The following TOX variants were observed in gnomAD, a reference collection of about 807,000 sequenced individuals.
TOX encodes the protein thymocyte selection-associated high mobility group box protein TOX.
In TOX, 11 loss-of-function variants were observed where a neutral mutation model predicts 53.7. The observed-to-expected ratio is 0.20, with a 90% CI of 0.13 to 0.34. The LOEUF (loss-of-function observed/expected upper bound fraction) is 0.34, where lower values mean the gene tolerates loss of function less well. Ranked by LOEUF, TOX falls within the 10% of genes least tolerant of loss-of-function variation. The probability of loss-of-function intolerance (pLI) is 1.00; values close to 1 mark genes in which losing one functional copy is unlikely to be tolerated. For synonymous variants in TOX, 225 were observed against 245.3 expected (o/e 0.92, Z 0.77); for missense variants, 570 against 664.6 (o/e 0.86, Z 1.56).
At chr8:59,020,669 C>T (rs1814107419) in intron 1 of TOX, among the ~76,000 whole-genome samples, 1 of 152,034 alleles carries the variant, frequency 6.6e-6, no homozygotes, top group Admixed American at 6.6e-5. Flanking sequence ...TTTACGTTGC[C>T]TTTACATACC....
intron 3 of TOX, among the ~76,000 whole-genome samples, chr8:58,902,104 T>C (rs1458471242): frequency 2.0e-5 from 3 of 152,196 alleles, no homozygotes; most frequent in African/African-American, 7.2e-5. Context: ...TATATTTATC[T>C]CAGTGCATTA....
intron 1 of TOX, among the ~76,000 whole-genome samples, chr8:58,994,415 T>TGTGTGC (rs1204511428): frequency 1.5e-5 from 2 of 129,632 alleles, no homozygotes; most frequent in Non-Finnish European, 3.4e-5. Context: ...TGTGTGTGTG[T>TGTGTGC]GTGTGCGCGC....
chr8:58,913,841 T>C (rs1473540618), intron 3 of TOX, among the ~76,000 whole-genome samples: 1 of 152,162 alleles, frequency 6.6e-6, no homozygotes, highest in Non-Finnish European at 1.5e-5. Flanking sequence ...TTTGGATTTA[T>C]TTACATTAAA....
intron 2 of TOX, among the ~76,000 whole-genome samples, chr8:58,953,329 T>C (rs1210088156): frequency 6.6e-6 from 1 of 152,194 alleles, no homozygotes; most frequent in African/African-American, 2.4e-5. Flanking sequence ...ATATGTGAGC[T>C]ATTTCAAGAT....
chr8:58,877,710 A>G (rs931920755), intron 3 of TOX, among the ~76,000 whole-genome samples: 1 of 152,226 alleles, frequency 6.6e-6, no homozygotes, highest in Non-Finnish European at 1.5e-5. Flanking sequence ...CTCTTCAGGC[A>G]GAAAGAAAAT....
At chr8:59,044,230 C>CAAA (rs78904701) in intron 1 of TOX, among the ~76,000 whole-genome samples, 51 of 114,090 alleles carry the variant, frequency 4.5e-4, no homozygotes, top group African/African-American at 1.3e-3. Flanking sequence ...TGGCACTCAT[C>CAAA]AAAAAAAAAA....
intron 1 of TOX, among the ~76,000 whole-genome samples, chr8:58,982,500 G>C (rs986061813): frequency 1.3e-5 from 2 of 152,078 alleles, no homozygotes; most frequent in African/African-American, 4.8e-5. Context: ...CTCTAAAACT[G>C]GTCCTCTATC....
intron 3 of TOX, among the ~76,000 whole-genome samples, chr8:58,868,646 A>C (rs904524341): frequency 6.6e-6 from 1 of 152,132 alleles, no homozygotes; most frequent in Non-Finnish European, 1.5e-5. Flanking sequence ...CATGAAAATA[A>C]AGGTACAACA....
At chr8:59,093,271 C>T (rs761096999) in intron 1 of TOX, among the ~76,000 whole-genome samples, 27 of 152,186 alleles carry the variant, frequency 1.8e-4, no homozygotes, top group Non-Finnish European at 1.9e-4. Flanking sequence ...CTCTCCATAA[C>T]AGCATCCACT....
intron 4 of TOX, among the ~76,000 whole-genome samples, chr8:58,842,594 A>G (rs1810663363): frequency 6.6e-6 from 1 of 152,090 alleles, no homozygotes; most frequent in Non-Finnish European, 1.5e-5. Context: ...CTCCTTTTTA[A>G]GTTGGTATTT....
intron 3 of TOX, among the ~76,000 whole-genome samples, chr8:58,884,881 A>T (rs1811440946): frequency 6.6e-6 from 1 of 152,194 alleles, no homozygotes; most frequent in African/African-American, 2.4e-5. Context: ...CACTGTAAAT[A>T]CATTTCCAAG....
chr8:58,992,346 A>C (rs1813470102), intron 1 of TOX, among the ~76,000 whole-genome samples: 1 of 152,152 alleles, frequency 6.6e-6, no homozygotes, highest in African/African-American at 2.4e-5. Flanking sequence ...TGCATCAATG[A>C]TTTCAAAAAT....
At chr8:58,932,991 T>C (rs10283319) in intron 3 of TOX, among the ~76,000 whole-genome samples, 1,987 of 152,294 alleles carry the variant, frequency 0.013, 58 homozygotes, top group African/African-American at 0.046. Context: ...CTTTTTTCCA[T>C]TTCAAACTCC....
chr8:58,947,456 A>G (rs1418046513), intron 2 of TOX, among the ~76,000 whole-genome samples: 1 of 152,190 alleles, frequency 6.6e-6, no homozygotes, highest in African/African-American at 2.4e-5. Flanking sequence ...GCTATATGTA[A>G]TTTACAGCAA....
intron 1 of TOX, among the ~76,000 whole-genome samples, chr8:59,106,635 A>G (rs184633759): frequency 4.6e-5 from 7 of 152,330 alleles, no homozygotes; most frequent in Admixed American, 1.3e-4. Flanking sequence ...GGAGCTAAGC[A>G]GAGTCATGAA....
chr8:59,052,148 T>A (rs745947624), intron 1 of TOX, among the ~76,000 whole-genome samples: 2 of 152,200 alleles, frequency 1.3e-5, no homozygotes, highest in Non-Finnish European at 2.9e-5. Flanking sequence ...CCTACTTTTA[T>A]ACAGAAACAA....
At chr8:58,990,975 C>A (rs1046806688) in intron 1 of TOX, among the ~76,000 whole-genome samples, 1 of 152,202 alleles carries the variant, frequency 6.6e-6, no homozygotes, top group Non-Finnish European at 1.5e-5. Context: ...TGAGCACTTA[C>A]AAAATTGAGC....
intron 1 of TOX, among the ~76,000 whole-genome samples, chr8:59,061,496 G>C (rs913836334): frequency 6.6e-6 from 1 of 151,948 alleles, no homozygotes; most frequent in African/African-American, 2.4e-5. Flanking sequence ...TGGCCTCTTC[G>C]GTAATTTCCT....
At chr8:58,887,840 G>A (rs774521011) in intron 3 of TOX, among the ~76,000 whole-genome samples, 11 of 151,924 alleles carry the variant, frequency 7.2e-5, no homozygotes, top group Non-Finnish European at 1.3e-4. Flanking sequence ...TTAAGGCTAG[G>A]AATATTCTTA....
Sources: gnomAD v4.1 joint callset for allele counts (sites outside exome capture counted in the v4.1 genomes callset) on GRCh38, gnomAD v4.1.1 for gene constraint, MANE v1.5 for transcripts, NCBI Gene and HGNC (gene_info 2026-07-23, HGNC 2026-07-21) for gene names.